The following NEMF variants were observed in gnomAD, a reference collection of about 807,000 sequenced individuals.
NEMF encodes ribosome quality control complex subunit NEMF.
In NEMF, 89 loss-of-function variants were observed where a neutral mutation model predicts 162.2. The observed-to-expected ratio is 0.55, with a 90% CI of 0.46 to 0.65. The LOEUF is 0.65. Among genes scored for constraint, NEMF ranks in the 30% least tolerant of loss-of-function variants. The pLI, the probability that NEMF is intolerant of heterozygous loss-of-function variation, is 0.00. For synonymous variants in NEMF, 421 were observed against 404.5 expected, an observed-to-expected ratio of 1.04 and a Z score of -0.49; for missense variants, 1,133 against 1,261.9, an observed-to-expected ratio of 0.90 and a Z score of 1.55.
rs117351190 is a variant in NEMF, at chr14:49,793,194, G to A, written c.2619+2597C>T. 7.8e-3 allele frequency among the ~76,000 whole-genome samples: 1,187 copies of A among 151,914 alleles called. 7 individuals are homozygous for A. Among genetic ancestry groups the A allele is most frequent in the Non-Finnish European group, 9.9e-3 (673 of 67,954 alleles). On this transcript the variant is annotated intron_variant, in intron 26 of 32. Transcript: ENST00000298310. ...TGAAACATTATATTTTTGCTTTTCA[G>A]TCACTGCAAAAAAAAACATGGGGAA...
In NEMF at chr14:49,795,944, C is replaced by T; in HGVS notation, c.2466G>A (p.Arg822=). Reference sequence around the variant, plus strand: ...TTGGAAGTTTTTTCTTTTTCATTTCCCTGAATAAAAAAGACATGAAAACAT... The same window carrying T: ...TTGGAAGTTTTTTCTTTTTCATTTCTCTGAATAAAAAAGACATGAAAACAT... ...SRRHLSAKER[R]EMKKKKLPSD... The change falls in exon 26 of 33, where the codon AGG becomes AGA. Residue 822 remains arginine, a splice_region_variant and synonymous_variant. Coordinates refer to ENST00000298310, the MANE Select transcript of NEMF (RefSeq NM_004713.6). The T allele has an allele frequency of 6.3e-7, 1 of 1,583,890 alleles. No individual in the cohort carries two copies. Among genetic ancestry groups the T allele is most frequent in the South Asian group, 1.2e-5 (1 of 85,804 alleles).
At chr14:49,826,540 CAAAAAAAAA>C (rs5808517) in intron 15 of NEMF, among the ~76,000 whole-genome samples, 1 of 73,568 alleles carries the variant, frequency 1.4e-5, no homozygotes, top group Non-Finnish European at 2.7e-5. Flanking sequence ...GCATTACAAG[CAAAAAAAAA>C]AAAAAAAAAA....
intron 1 of NEMF, among the ~76,000 whole-genome samples, chr14:49,852,394 T>G (rs577501283): frequency 6.6e-6 from 1 of 152,344 alleles, no homozygotes; most frequent in Admixed American, 6.5e-5. Context: ...GTCTCGTGTT[T>G]TAACAAACGT....
At chr14:49,816,006 T>G (rs1484347538) in intron 16 of NEMF, among the ~76,000 whole-genome samples, 1 of 152,008 alleles carries the variant, frequency 6.6e-6, no homozygotes, top group Admixed American at 6.6e-5. Context: ...AAAAAGATAG[T>G]GAGAGATCCT....
At chr14:49,831,067 C>CT (rs932519327) in intron 11 of NEMF, among the ~76,000 whole-genome samples, 50 of 152,232 alleles carry the variant, frequency 3.3e-4, no homozygotes, top group South Asian at 1.2e-3. Context: ...CCGTATTTTC[C>CT]TTTTTTTACA....
At chr14:49,829,447 T>A (rs1253975448) in intron 11 of NEMF, 21 bp from the exon 12 acceptor site, 1 of 1,595,436 alleles carries the variant, frequency 6.3e-7, no homozygotes, top group East Asian at 2.2e-5. Flanking sequence ...CAAAACAGAT[T>A]TTTTAAAAAT....
chr14:49,796,691 T>C (rs923298178), intron 25 of NEMF, among the ~76,000 whole-genome samples: 1 of 152,216 alleles, frequency 6.6e-6, no homozygotes, highest in Non-Finnish European at 1.5e-5. Flanking sequence ...TTTGCCTATG[T>C]CACATTCTCT....
At chr14:49,787,483 C>G (rs775551884) in intron 28 of NEMF, among the ~76,000 whole-genome samples, 6 of 152,100 alleles carry the variant, frequency 3.9e-5, no homozygotes, top group East Asian at 3.9e-4. Flanking sequence ...CCCAGGAGTT[C>G]GACACCAGCC....
rs566489039 is a variant in NEMF, at chr14:49,782,091, G to C, written c.*2545C>G. ...GGCATATACTACTCAGCTCCCATACGATTTTTATTGCTAACAAAGACCTAG... is the reference window on the plus strand; with the variant it reads ...GGCATATACTACTCAGCTCCCATACCATTTTTATTGCTAACAAAGACCTAG... On this transcript the variant is annotated 3_prime_UTR_variant, in exon 33 of 33. Transcript: ENST00000298310. 1 of 369,602 alleles carries C rather than the reference G, an allele frequency of 2.7e-6. No individual in the cohort carries two copies. Among genetic ancestry groups the C allele is most frequent in the Non-Finnish European group, 4.8e-6 (1 of 206,512 alleles). The allele number at this position is 369,602 out of a possible 1,614,324, so 22.9% of individuals were successfully genotyped here.
In NEMF at chr14:49,851,571, C is replaced by A. The variant is rs1427979755; in HGVS notation, c.223G>T (p.Ala75Ser). 1.2e-6 allele frequency: 2 copies of A among 1,610,460 alleles called. No homozygotes were observed. The highest frequency in any genetic ancestry group is 1.7e-6 in the Non-Finnish European group (2 of 1,177,350). The change falls in exon 3 of 33, where the codon GCC (alanine) becomes TCC (serine). Residue 75 changes from alanine to serine, a missense_variant. Ala to Ser is a moderately conservative substitution (Grantham distance 99). Coordinates refer to ENST00000298310, the MANE Select transcript of NEMF (RefSeq NM_004713.6). ...AAGCGTAACAAGTTTACCTTCATGG[C>A]AAAACTAGACGGCATCATATTCTTA... ...WPKNMMPSSF[A>S]MKCRKHLKSR...
At chr14:49,795,296 C>T (rs534248202) in intron 26 of NEMF, among the ~76,000 whole-genome samples, 2 of 148,718 alleles carry the variant, frequency 1.3e-5, no homozygotes, top group Admixed American at 6.9e-5. Context: ...GCCCTGACTG[C>T]ACCACTGCAT....
chr14:49,845,368 C>T (rs1474867456), intron 4 of NEMF, among the ~76,000 whole-genome samples: 1 of 152,216 alleles, frequency 6.6e-6, no homozygotes, highest in Non-Finnish European at 1.5e-5. Context: ...CTCGGCCTCC[C>T]AAAATGCTAG....
rs751802322 is a variant in NEMF, at chr14:49,814,067, T to TA, written c.1682-18dup. 1.4e-6 allele frequency: 2 copies of TA among 1,417,514 alleles called. No homozygotes were observed. The highest frequency in any genetic ancestry group is 1.8e-5 in the Admixed American group (1 of 55,294). The allele number at this position is 1,417,514 out of a possible 1,614,324, so 87.8% of individuals were successfully genotyped here. A position where few individuals can be genotyped will look rare whatever the true frequency, so the allele number is the denominator to read the frequency against. On this transcript the variant is annotated splice_polypyrimidine_tract_variant and intron_variant, in intron 17 of 32. Coordinates refer to ENST00000298310, the MANE Select transcript of NEMF (RefSeq NM_004713.6). ...AAATGTCTCCTTAAATACAGACAAA[T>TA]AAAAAATGACACTTTAAGTCCTAAT...
Position 49,782,348 on chromosome 14 carries a change from C to T in NEMF, c.*2288G>A. On this transcript the variant is annotated 3_prime_UTR_variant, in exon 33 of 33. Transcript: ENST00000298310. ...AACTGGTGTTCTGGGTGGCTTCAAA[C>T]TCGTTTTTGTTTTAAATGCAGGTTA... is the stretch of plus-strand genomic sequence containing the variant. The T allele has an allele frequency of 1.3e-6, 2 of 1,576,642 alleles. No individual in the cohort carries two copies. Among genetic ancestry groups the T allele is most frequent in the South Asian group, 1.1e-5 (1 of 88,024 alleles).
intron 15 of NEMF, among the ~76,000 whole-genome samples, chr14:49,826,696 C>G (rs1382813679): frequency 6.6e-6 from 1 of 152,082 alleles, no homozygotes; most frequent in Non-Finnish European, 1.5e-5. Context: ...AGGCAATATT[C>G]CAGGGATTGG....
At chr14:49,796,405 A>G (rs746670434) in intron 25 of NEMF, 5 of 412,160 alleles carry the variant, frequency 1.2e-5, no homozygotes, top group African/African-American at 2.0e-5. Flanking sequence ...TCTGTTCCCA[A>G]TGCCAACGTC....
Position 49,786,765 on chromosome 14 carries a change from T to C in NEMF, c.2896-15A>G. On this transcript the variant is annotated splice_polypyrimidine_tract_variant and intron_variant, in intron 28 of 32. Coordinates refer to ENST00000298310, the MANE Select transcript of NEMF (RefSeq NM_004713.6). ...TCTTGCTCTTCCTGTTCCGAACATA[T>C]AAAAATAAAAATGTCAGCTATAATG... 6.2e-7 allele frequency: 1 copy of C among 1,609,184 alleles called. No individual in the cohort carries two copies. The highest frequency in any genetic ancestry group is 8.5e-7 in the Non-Finnish European group (1 of 1,176,852).
At chr14:49,821,872 G>A (rs910167445) in intron 16 of NEMF, among the ~76,000 whole-genome samples, 1 of 152,118 alleles carries the variant, frequency 6.6e-6, no homozygotes, top group African/African-American at 2.4e-5. Context: ...TAGAAAAGGG[G>A]GCAAGGTGGG....
rs1891627233 is a variant in NEMF, at chr14:49,814,415, C to G, written c.1681+339G>C. On this transcript the variant is annotated intron_variant, in intron 17 of 32. Transcript: ENST00000298310. ...CACCACGCCCGGCCAAGTCCTACTT[C>G]TAGGTGTGAAAAATGATTGCAAACT... Among the ~76,000 whole-genome samples the G allele has an allele frequency of 2.0e-5, 3 of 152,128 alleles. No homozygotes were observed. In the South Asian group the frequency reaches 6.2e-4, roughly 32 times the overall value.
Sources: gnomAD v4.1 joint callset for allele counts (sites outside exome capture counted in the v4.1 genomes callset) on GRCh38, gnomAD v4.1.1 for gene constraint, MANE v1.5 for transcripts, NCBI Gene and HGNC (gene_info 2026-07-23, HGNC 2026-07-21) for gene names.